Variants in PARD3B observed in about 807,000 individuals in gnomAD.
PARD3B encodes the protein par-3 family cell polarity regulator beta, also known as partitioning defective 3 homolog B.
A neutral mutation model predicts 130.2 loss-of-function variants in PARD3B; 103 were observed. The ratio of observed to expected loss-of-function variants is 0.79; its 90% confidence interval spans 0.67 to 0.93. The LOEUF is 0.93. Ranked by LOEUF, PARD3B falls within the 40% of genes least tolerant of loss-of-function variation. PARD3B has a pLI of 0.00. For missense variants in PARD3B, 1,609 were observed against 1,499.2 expected (o/e 1.07, Z -1.21); for synonymous variants, 583 against 553.2 (o/e 1.05, Z -0.76).
intron 2 of PARD3B, among the ~76,000 whole-genome samples, chr2:204,870,296 A>G (rs971796980): frequency 5.3e-5 from 8 of 152,180 alleles, no homozygotes; most frequent in African/African-American, 1.9e-4. Context: ...AATACCTCTT[A>G]CTGTAACTAT....
At chr2:204,655,571 G>T (rs1292611187) in intron 1 of PARD3B, among the ~76,000 whole-genome samples, 4 of 152,108 alleles carry the variant, frequency 2.6e-5, no homozygotes, top group Non-Finnish European at 4.4e-5. Flanking sequence ...CATGTATTAA[G>T]CATGTTTATA....
intron 2 of PARD3B, among the ~76,000 whole-genome samples, chr2:204,909,212 G>C (rs1285964162): frequency 1.3e-5 from 2 of 152,076 alleles, no homozygotes; most frequent in African/African-American, 4.8e-5. Context: ...AAGTAATTTG[G>C]CTATAAAATT....
chr2:205,089,451 C>T lies in PARD3B; in HGVS notation c.505-14975C>T, dbSNP rs1047797399. Among the ~76,000 whole-genome samples the T allele has an allele frequency of 6.5e-4, 99 of 152,134 alleles. 2 individuals carry two copies. The highest frequency in any genetic ancestry group is 6.6e-4 in the Non-Finnish European group (45 of 68,024). On this transcript the variant is annotated intron_variant, in intron 4 of 22. Coordinates refer to ENST00000406610, the MANE Select transcript of PARD3B (RefSeq NM_001302769.2). ...CTCCCCGACTCTCTTTTTCTGCAAG[C>T]GCTTAATCCTTGGGCTTACTCATAA...
intron 2 of PARD3B, among the ~76,000 whole-genome samples, chr2:204,938,408 G>T (rs945576824): frequency 6.6e-6 from 1 of 152,144 alleles, no homozygotes; most frequent in South Asian, 2.1e-4. Context: ...AATTCCACCC[G>T]TAGGGTTCTT....
At chr2:204,873,988 C>T (rs2125653477) in intron 2 of PARD3B, among the ~76,000 whole-genome samples, 1 of 152,010 alleles carries the variant, frequency 6.6e-6, no homozygotes, top group East Asian at 1.9e-4. Context: ...ACTAAAAATA[C>T]AAAAATAAGC....
intron 3 of PARD3B, among the ~76,000 whole-genome samples, chr2:205,009,657 C>T (rs1395226658): frequency 1.1e-4 from 14 of 131,890 alleles, no homozygotes; most frequent in Admixed American, 2.4e-4. Flanking sequence ...GGCCACAGAG[C>T]GAGACTCCGT....
chr2:205,519,877 G>T (rs571718706), intron 21 of PARD3B, among the ~76,000 whole-genome samples: 1 of 152,260 alleles, frequency 6.6e-6, no homozygotes, highest in East Asian at 1.9e-4. Context: ...AAGCTTTGGG[G>T]TGTGATCCAG....
In PARD3B at chr2:205,115,565, A is replaced by G. The variant is rs574644444; in HGVS notation, c.680+1988A>G. 7.2e-5 allele frequency among the ~76,000 whole-genome samples: 11 copies of G among 152,288 alleles called. No individual in the cohort carries two copies. The East Asian group carries it at 2.1e-3, about 29-fold the overall frequency. On this transcript the variant is annotated intron_variant, in intron 6 of 22. Transcript: ENST00000406610. ...TTCAGTAACTTGGTGAAATAGTTCT[A>G]TTATTTATTTTTTGCTATCCACCAG...
At chr2:205,228,430 C>G (rs891177214) in intron 15 of PARD3B, among the ~76,000 whole-genome samples, 1 of 151,690 alleles carries the variant, frequency 6.6e-6, no homozygotes, top group African/African-American at 2.4e-5. Context: ...TATCCTGTCA[C>G]TCTCTCATGG....
In PARD3B at chr2:205,217,212, C is replaced by G. The variant is rs569676547; in HGVS notation, c.2140+23892C>G. Among the ~76,000 whole-genome samples, 12 of 152,280 alleles carry G rather than the reference C, an allele frequency of 7.9e-5. 1 individual carries two copies. The highest frequency in any genetic ancestry group is 2.6e-4 in the African/African-American group (11 of 41,568). ...AACAGGGTTGTAGGTGGCATTGGAT[C>G]AGTCAAGCTACATGTCTGCCATAGC... On this transcript the variant is annotated intron_variant, in intron 15 of 22. Coordinates refer to ENST00000406610, the MANE Select transcript of PARD3B (RefSeq NM_001302769.2).
At position 204,977,538 on chromosome 2, in the gene PARD3B, G is replaced by C. The variant is rs944112009; in HGVS notation, c.394+12215G>C. ...TAGGGAGCCTTGGTAGGCCGGGCGC[G>C]GTGGCTCACGCCTGTAATCCCAGCA... On this transcript the variant is annotated intron_variant, in intron 3 of 22. Transcript: ENST00000406610. Among the ~76,000 whole-genome samples the C allele has an allele frequency of 4.6e-5, 7 of 152,008 alleles. No homozygotes were observed. The South Asian group carries it at 1.5e-3, about 32-fold the overall frequency.
chr2:204,619,246 C>T (rs2034213881), intron 1 of PARD3B, among the ~76,000 whole-genome samples: 1 of 152,186 alleles, frequency 6.6e-6, no homozygotes, highest in Non-Finnish European at 1.5e-5. Context: ...AGCAGCCTCA[C>T]TGCATGACCA....
At chr2:204,700,891 TA>T (rs2037859795) in intron 2 of PARD3B, among the ~76,000 whole-genome samples, 1 of 152,024 alleles carries the variant, frequency 6.6e-6, no homozygotes, top group African/African-American at 2.4e-5. Context: ...CCAACACTAC[TA>T]AAAAAGTTAG....
chr2:205,376,292 C>G (rs1041246719), intron 18 of PARD3B, among the ~76,000 whole-genome samples: 2 of 152,152 alleles, frequency 1.3e-5, no homozygotes, highest in Non-Finnish European at 2.9e-5. Context: ...CCTCACCACA[C>G]TAAGTAATGG....
At position 204,987,704 on chromosome 2, in the gene PARD3B, C is replaced by T. The variant is rs538624090; in HGVS notation, c.394+22381C>T. On this transcript the variant is annotated intron_variant, in intron 3 of 22. Transcript: ENST00000406610. ...CTTCAGAATTTTTTTTTTCAGTGTT[C>T]CAAGACTAAGGACTTTTCATTGTCT... Among the ~76,000 whole-genome samples, 6 of 151,994 alleles carry T rather than the reference C, an allele frequency of 3.9e-5. No homozygotes were observed. The South Asian group carries it at 1.2e-3, about 32-fold the overall frequency.
chr2:205,145,823 C>CAAAA (rs58133781), intron 10 of PARD3B, among the ~76,000 whole-genome samples: 2,110 of 126,672 alleles, frequency 0.017, 66 homozygotes, highest in African/African-American at 0.058. Context: ...TCCAAGAAGT[C>CAAAA]AAAAAAAAAA....
chr2:205,108,673 T>C (rs952982543), intron 5 of PARD3B, among the ~76,000 whole-genome samples: 2 of 152,254 alleles, frequency 1.3e-5, no homozygotes, highest in African/African-American at 4.8e-5. Context: ...AATAGATTCC[T>C]AATCCCAGCT....
chr2:205,024,643 A>G (rs1696880315), intron 3 of PARD3B, among the ~76,000 whole-genome samples: 1 of 152,256 alleles, frequency 6.6e-6, no homozygotes, highest in South Asian at 2.1e-4. Context: ...ATGCTAGACC[A>G]AGGTTAGAAG....
At chr2:204,990,957 A>AT (rs1474752342) in intron 3 of PARD3B, among the ~76,000 whole-genome samples, 1 of 152,192 alleles carries the variant, frequency 6.6e-6, no homozygotes, top group African/African-American at 2.4e-5. Flanking sequence ...ATCATTTATT[A>AT]TAAAGCCTGT....
Sources: allele counts gnomAD v4.1 joint callset (sites outside exome capture counted in the v4.1 genomes callset), GRCh38; gene constraint gnomAD v4.1.1; transcripts MANE v1.5; gene names NCBI Gene and HGNC (gene_info 2026-07-23, HGNC 2026-07-21).